LRP1B: variants seen among roughly 807,000 people sequenced by gnomAD.
The protein encoded by LRP1B is low-density lipoprotein receptor-related protein 1B.
LRP1B carries 217 observed loss-of-function variants against 556.6 expected under a neutral mutation model. The observed-to-expected ratio is 0.39, with a 90% CI of 0.35 to 0.44. The LOEUF (loss-of-function observed/expected upper bound fraction) is 0.44, where lower values mean the gene tolerates loss of function less well. Among genes scored for constraint, LRP1B ranks in the 20% least tolerant of loss-of-function variants. The pLI, the probability that LRP1B is intolerant of heterozygous loss-of-function variation, is 1.00. For synonymous variants in LRP1B, 2,047 were observed against 1,865.8 expected, an observed-to-expected ratio of 1.10 and a Z score of -2.50; for missense variants, 5,053 against 5,620.8, an observed-to-expected ratio of 0.90 and a Z score of 3.23.
chr2:140,947,760 A>G (rs1695586294), intron 20 of LRP1B, among the ~76,000 whole-genome samples: 1 of 152,238 alleles, frequency 6.6e-6, no homozygotes, highest in Non-Finnish European at 1.5e-5. Flanking sequence ...TTCACCACGT[A>G]GAATATTTGA....
intron 86 of LRP1B, among the ~76,000 whole-genome samples, chr2:140,262,834 G>T (rs1430790369): frequency 6.6e-6 from 1 of 152,136 alleles, no homozygotes; most frequent in Non-Finnish European, 1.5e-5. Flanking sequence ...GTCCTCAGTG[G>T]TAGCAGTCTG....
Position 140,613,370 on chromosome 2 carries a change from A to AATATATATATAATTATATACATATAAAT in LRP1B, c.6800-11732_6800-11731insATTTATATGTATATAATTATATATATAT, listed in dbSNP as rs796568812. ...AAATATAAATAATTATATAAATATA[A>AATATATATATAATTATATACATATAAAT]ATATATATAATTATATACATATAAA... On this transcript the variant is annotated intron_variant, in intron 41 of 90. Coordinates refer to ENST00000389484, the MANE Select transcript of LRP1B (RefSeq NM_018557.3). Among the ~76,000 whole-genome samples, 2 of 84,732 alleles carry AATATATATATAATTATATACATATAAAT rather than the reference A, an allele frequency of 2.4e-5. 1 individual carries two copies. Among genetic ancestry groups the AATATATATATAATTATATACATATAAAT allele is most frequent in the Non-Finnish European group, 5.8e-5 (2 of 34,208 alleles). The allele number at this position is 84,732 out of a possible 152,430, so 55.6% of individuals were successfully genotyped here.
intron 2 of LRP1B, among the ~76,000 whole-genome samples, chr2:141,764,329 C>A (rs551389943): frequency 2.0e-5 from 3 of 152,010 alleles, no homozygotes; most frequent in Admixed American, 1.3e-4. Context: ...TACAGGCGCC[C>A]GCCACCACAT....
intron 7 of LRP1B, among the ~76,000 whole-genome samples, chr2:141,134,134 C>T (rs1701431669): frequency 6.6e-6 from 1 of 151,708 alleles, no homozygotes; most frequent in Admixed American, 6.6e-5. Context: ...AGTCATCTTG[C>T]TCTACTCATG....
chr2:141,576,596 T>A (rs1208831087), intron 2 of LRP1B, among the ~76,000 whole-genome samples: 1 of 151,996 alleles, frequency 6.6e-6, no homozygotes, highest in African/African-American at 2.4e-5. Flanking sequence ...TTTAAAAAAA[T>A]TTTAAACATT....
chr2:141,950,372 A>G (rs531786293), intron 1 of LRP1B, among the ~76,000 whole-genome samples: 1 of 152,314 alleles, frequency 6.6e-6, no homozygotes, highest in African/African-American at 2.4e-5. Context: ...ATTTAACTAT[A>G]AATGGTTGTT....
chr2:140,317,000 T>C (rs1402780993), intron 82 of LRP1B, among the ~76,000 whole-genome samples: 1 of 152,066 alleles, frequency 6.6e-6, no homozygotes, highest in East Asian at 1.9e-4. Flanking sequence ...CCAGAAGGTT[T>C]ACAGAGGATG....
At chr2:141,882,304 A>T (rs1270528641) in intron 1 of LRP1B, among the ~76,000 whole-genome samples, 1 of 152,122 alleles carries the variant, frequency 6.6e-6, no homozygotes, top group East Asian at 1.9e-4. Context: ...ACCCCACTAT[A>T]CTTCACTTGC....
intron 2 of LRP1B, among the ~76,000 whole-genome samples, chr2:141,676,511 CTA>C (rs971767566): frequency 2.6e-5 from 4 of 152,104 alleles, no homozygotes; most frequent in Non-Finnish European, 4.4e-5. Flanking sequence ...CTCAGAATAC[CTA>C]TGTTAATTTC....
At chr2:141,456,981 A>C (rs567867119) in intron 3 of LRP1B, among the ~76,000 whole-genome samples, 1 of 152,338 alleles carries the variant, frequency 6.6e-6, no homozygotes, top group East Asian at 1.9e-4. Context: ...TTTGCACTTT[A>C]TTAGTAAGAT....
intron 7 of LRP1B, among the ~76,000 whole-genome samples, chr2:141,123,259 T>A (rs62173721): frequency 0.28 from 39,549 of 143,772 alleles, 5,779 homozygotes; most frequent in East Asian, 0.46. Flanking sequence ...AATAAATAAA[T>A]AAATAAAAAA....
intron 43 of LRP1B, among the ~76,000 whole-genome samples, chr2:140,577,672 C>A (rs1244339834): frequency 6.6e-6 from 1 of 152,016 alleles, no homozygotes; most frequent in Admixed American, 6.6e-5. Flanking sequence ...TTTCCCCACC[C>A]CCCAGCCTCC....
chr2:141,530,739 TG>T (rs1371207572), intron 2 of LRP1B, among the ~76,000 whole-genome samples: 2 of 151,888 alleles, frequency 1.3e-5, no homozygotes, highest in Non-Finnish European at 2.9e-5. Context: ...GCCCAAAAGA[TG>T]GGTGGTGTCA....
chr2:141,789,563 A>G (rs1695541365), intron 2 of LRP1B, among the ~76,000 whole-genome samples: 2 of 152,006 alleles, frequency 1.3e-5, no homozygotes, highest in African/African-American at 4.8e-5. Context: ...GCCTTGGATT[A>G]GTAAGAAACA....
chr2:140,547,870 T>A (rs2105039028), intron 43 of LRP1B, among the ~76,000 whole-genome samples: 1 of 152,032 alleles, frequency 6.6e-6, no homozygotes, highest in African/African-American at 2.4e-5. Context: ...CTAAATATAA[T>A]TTTTTAAATA....
chr2:141,065,058 C>T (rs139800891), intron 7 of LRP1B, among the ~76,000 whole-genome samples: 42 of 151,952 alleles, frequency 2.8e-4, no homozygotes, highest in African/African-American at 8.7e-4. Context: ...TTGCCGGAGC[C>T]ATAAATGTCA....
chr2:140,803,511 G>C (rs1245308744), intron 32 of LRP1B, among the ~76,000 whole-genome samples: 1 of 151,706 alleles, frequency 6.6e-6, no homozygotes, highest in Non-Finnish European at 1.5e-5. Context: ...TGTTAGCCAG[G>C]ATGGTCTCCA....
At chr2:141,954,899 T>C (rs1417912068) in intron 1 of LRP1B, among the ~76,000 whole-genome samples, 1 of 151,980 alleles carries the variant, frequency 6.6e-6, no homozygotes, top group African/African-American at 2.4e-5. Context: ...TGTAGATATT[T>C]TCAATATTAC....
At chr2:141,372,482 A>AAC (rs1280820264) in intron 3 of LRP1B, among the ~76,000 whole-genome samples, 1 of 152,102 alleles carries the variant, frequency 6.6e-6, no homozygotes, top group Non-Finnish European at 1.5e-5. Context: ...TATGTTTGGT[A>AAC]GAATTTGGCT....
Sources: gnomAD v4.1 joint callset for allele counts (sites outside exome capture counted in the v4.1 genomes callset) on GRCh38, gnomAD v4.1.1 for gene constraint, MANE v1.5 for transcripts, NCBI Gene and HGNC (gene_info 2026-07-23, HGNC 2026-07-21) for gene names.